The following EXOC6 variants were observed in gnomAD, a reference collection of about 807,000 sequenced individuals.
EXOC6 encodes exocyst complex component 6, also known as SEC15-like 1.
EXOC6 carries 60 observed loss-of-function variants against 112.5 expected under a neutral mutation model. The observed-to-expected ratio is 0.53, with a 90% CI of 0.43 to 0.66. EXOC6 has a LOEUF of 0.66. EXOC6 is among the 30% of genes least tolerant of loss of function. The pLI, the probability that EXOC6 is intolerant of heterozygous loss-of-function variation, is 0.00. For missense variants in EXOC6, 855 were observed against 957.1 expected, an observed-to-expected ratio of 0.89 and a Z score of 1.41; for synonymous variants, 295 against 308.0, an observed-to-expected ratio of 0.96 and a Z score of 0.44.
chr10:92,843,699 T>C (rs1846941550), upstream of EXOC6, among the ~76,000 whole-genome samples: 1 of 150,174 alleles, frequency 6.7e-6, no homozygotes, highest in East Asian at 2.0e-4. Context: ...TACAAAAAAT[T>C]AGCTGAGTGG....
chr10:92,991,875 A>T (rs534340645), intron 18 of EXOC6, among the ~76,000 whole-genome samples: 180 of 152,174 alleles, frequency 1.2e-3, no homozygotes, highest in African/African-American at 4.2e-3. Context: ...TGACTGTGGG[A>T]TTGTGGTAAA....
intron 1 of EXOC6, among the ~76,000 whole-genome samples, chr10:92,869,581 AT>A (rs1262328947): frequency 6.6e-6 from 1 of 152,088 alleles, no homozygotes; most frequent in Non-Finnish European, 1.5e-5. Context: ...AAGTATTGGG[AT>A]TGTAGATGTG....
chr10:92,831,058 G>A (rs1342048165), upstream of EXOC6, among the ~76,000 whole-genome samples: 1 of 152,212 alleles, frequency 6.6e-6, no homozygotes, highest in Non-Finnish European at 1.5e-5. Flanking sequence ...GGCAGGAAAT[G>A]GCACTCAAGG....
chr10:92,964,634 G>A (rs1841971969), intron 17 of EXOC6, among the ~76,000 whole-genome samples: 1 of 152,064 alleles, frequency 6.6e-6, no homozygotes, highest in South Asian at 2.1e-4. Flanking sequence ...TCTATTATAA[G>A]ATAGTTGTAT....
chr10:92,996,961 T>C (rs1843523693), intron 18 of EXOC6, among the ~76,000 whole-genome samples: 1 of 152,154 alleles, frequency 6.6e-6, no homozygotes, highest in South Asian at 2.1e-4. Flanking sequence ...ATGTTCTGAT[T>C]AGAAGTAAGG....
At chr10:92,970,436 A>G (rs986776933) in intron 17 of EXOC6, among the ~76,000 whole-genome samples, 3 of 152,248 alleles carry the variant, frequency 2.0e-5, no homozygotes, top group East Asian at 1.9e-4. Context: ...ACCATTTTAT[A>G]TAAAGGACTT....
chr10:93,025,914 C>T (rs770774835), intron 20 of EXOC6, among the ~76,000 whole-genome samples: 2 of 152,174 alleles, frequency 1.3e-5, no homozygotes, highest in African/African-American at 2.4e-5. Context: ...TCTTCTCCTC[C>T]CTTTCAAGGA....
At chr10:92,846,297 A>C (rs111244434), upstream of EXOC6, among the ~76,000 whole-genome samples, 1,299 of 152,304 alleles carry the variant, frequency 8.5e-3, 11 homozygotes, top group Non-Finnish European at 0.012. Context: ...TAGGGAAGGA[A>C]TGATCAGGAA....
chr10:92,971,824 T>G (rs1842311399), intron 17 of EXOC6, among the ~76,000 whole-genome samples: 1 of 152,230 alleles, frequency 6.6e-6, no homozygotes, highest in East Asian at 1.9e-4. Flanking sequence ...GGTTGCTTTT[T>G]TTCCGTGTAT....
chr10:92,828,221 C>G (rs564265576), intron 1 of EXOC6, among the ~76,000 whole-genome samples: 25 of 152,296 alleles, frequency 1.6e-4, no homozygotes, highest in South Asian at 1.4e-3. Context: ...CCTATCTTGA[C>G]TTATTACACT....
intron 17 of EXOC6, among the ~76,000 whole-genome samples, chr10:92,956,708 AT>A (rs543455955): frequency 1.3e-5 from 2 of 152,116 alleles, no homozygotes; most frequent in Non-Finnish European, 2.9e-5. Context: ...GACTTATAAA[AT>A]TAGCTATTAA....
rs2486688 is a variant in EXOC6, at chr10:93,014,395, C to A, written c.2169+128C>A. 2,226 of 699,086 alleles carry A rather than the reference C, an allele frequency of 3.2e-3. 39 individuals are homozygous for A. In the African/African-American group the frequency reaches 0.036, roughly 11 times the overall value. 43.3% of individuals were successfully genotyped at this position (699,086 alleles called of 1,614,324 possible). A position where few individuals can be genotyped will look rare whatever the true frequency, so the allele number is the denominator to read the frequency against. On this transcript the variant is annotated intron_variant, in intron 20 of 21. Coordinates refer to ENST00000260762, the MANE Select transcript of EXOC6 (RefSeq NM_019053.6). ...ACAACCTATCTTAAGAAAAATCCTT[C>A]CTTGGTAACTATGTATTTGGCACAT...
intron 20 of EXOC6, among the ~76,000 whole-genome samples, chr10:93,016,372 A>T (rs1472915566): frequency 6.6e-6 from 1 of 151,632 alleles, no homozygotes; most frequent in East Asian, 1.9e-4. Context: ...AACTCCCGGC[A>T]TCAAGTGATC....
In EXOC6 at chr10:92,902,961, C is replaced by G. The variant is rs188922973; in HGVS notation, c.458+3317C>G. On this transcript the variant is annotated intron_variant, in intron 5 of 21. Coordinates refer to ENST00000260762, the MANE Select transcript of EXOC6 (RefSeq NM_019053.6). ...CCATTAGTTGCTATTTGGGTGGTTT[C>G]AGGTTTGCAGGTATTATGAATAAGA... Among the ~76,000 whole-genome samples, 8 of 152,110 alleles carry G rather than the reference C, an allele frequency of 5.3e-5. No individual in the cohort carries two copies. In the East Asian group the frequency reaches 1.5e-3, roughly 29 times the overall value.
In EXOC6 at chr10:92,992,987, C is replaced by T. The variant is rs114712152; in HGVS notation, c.1954-4487C>T. The stretch of plus-strand genomic sequence containing the variant: ...TCTGAAAAAGACTGTTTCATATTCT[C>T]ATAACTGAAATTTATGTAGCAAATG... On this transcript the variant is annotated intron_variant, in intron 18 of 21. Transcript: ENST00000260762. 9.8e-3 allele frequency among the ~76,000 whole-genome samples: 1,468 copies of T among 150,546 alleles called. 24 individuals carry two copies. The highest frequency in any genetic ancestry group is 0.034 in the African/African-American group (1,408 of 41,388).
chr10:92,934,489 G>C, intron 11 of EXOC6, 59 bp downstream of exon 11: 1 of 1,411,436 alleles, frequency 7.1e-7, no homozygotes, highest in Non-Finnish European at 9.4e-7. Flanking sequence ...GAACTTCTGA[G>C]CTGCATAATG....
intron 20 of EXOC6, among the ~76,000 whole-genome samples, chr10:93,026,672 A>G (rs1845037477): frequency 6.6e-6 from 1 of 152,104 alleles, no homozygotes; most frequent in South Asian, 2.1e-4. Context: ...TCTGTTTTTG[A>G]TCTGTGATCA....
At chr10:93,041,102 T>C (rs1217486431) in intron 20 of EXOC6, among the ~76,000 whole-genome samples, 3 of 152,198 alleles carry the variant, frequency 2.0e-5, no homozygotes, top group African/African-American at 7.2e-5. Context: ...CACATCCCTT[T>C]TTCATGTTGT....
chr10:92,930,424 A>G (rs1236559349), intron 9 of EXOC6, among the ~76,000 whole-genome samples: 3 of 151,960 alleles, frequency 2.0e-5, no homozygotes, highest in African/African-American at 7.3e-5. Flanking sequence ...AATCACTTGA[A>G]CCCGAGAGGC....
Sources: allele counts gnomAD v4.1 joint callset (sites outside exome capture counted in the v4.1 genomes callset), GRCh38; gene constraint gnomAD v4.1.1; transcripts MANE v1.5; gene names NCBI Gene and HGNC (gene_info 2026-07-23, HGNC 2026-07-21).